ERC1: variants seen among roughly 807,000 people sequenced by gnomAD.
ERC1 encodes the protein RAB6 interacting protein 2.
A neutral mutation model predicts 132.0 loss-of-function variants in ERC1; 56 were observed. The ratio of observed to expected loss-of-function variants is 0.42; its 90% CI spans 0.34 to 0.53. ERC1 has a LOEUF of 0.53. ERC1 is among the 20% of genes least tolerant of loss of function. The pLI is 0.03. For synonymous variants in ERC1, 478 were observed against 476.1 expected (o/e 1.00, Z -0.05); for missense variants, 1,202 against 1,349.9 (o/e 0.89, Z 1.72).
intron 15 of ERC1, among the ~76,000 whole-genome samples, chr12:1,333,839 A>T (rs1052683873): frequency 3.3e-5 from 5 of 152,222 alleles, no homozygotes; most frequent in African/African-American, 1.2e-4. Context: ...GCTGTCTTCC[A>T]CAATGGTTGA....
chr12:1,321,070 G>A, intron 15 of ERC1, among the ~76,000 whole-genome samples: 1 of 152,218 alleles, frequency 6.6e-6, no homozygotes, highest in East Asian at 1.9e-4. Flanking sequence ...ACAAGGGGAA[G>A]GGTATAAGAA....
upstream of ERC1, chr12:990,948 T>TGTCA (rs1555185824): frequency 1.3e-4 from 4 of 31,122 alleles, no homozygotes; most frequent in Non-Finnish European, 1.8e-4. Context: ...TGTGTGTGTG[T>TGTCA]GTGAGTGTGT....
At chr12:1,131,968 T>C (rs1254416623) in intron 7 of ERC1, among the ~76,000 whole-genome samples, 1 of 152,218 alleles carries the variant, frequency 6.6e-6, no homozygotes, top group Non-Finnish European at 1.5e-5. Flanking sequence ...AACAAGGTTT[T>C]ATTCCTCCTG....
At chr12:1,425,025 C>CT (rs990193625) in intron 17 of ERC1, among the ~76,000 whole-genome samples, 10 of 151,260 alleles carry the variant, frequency 6.6e-5, no homozygotes, top group Non-Finnish European at 1.0e-4. Flanking sequence ...ACCTAAGAAC[C>CT]TTTTTTTTTC....
intron 15 of ERC1, among the ~76,000 whole-genome samples, chr12:1,296,564 C>T (rs942489605): frequency 1.1e-4 from 17 of 151,926 alleles, no homozygotes; most frequent in Non-Finnish European, 2.2e-4. Flanking sequence ...CAGGCATGCG[C>T]CATCACAGCC....
At chr12:1,125,965 G>T (rs184417939) in intron 7 of ERC1, among the ~76,000 whole-genome samples, 15 of 152,294 alleles carry the variant, frequency 9.8e-5, no homozygotes, top group African/African-American at 3.6e-4. Flanking sequence ...AAAGTAGAAA[G>T]GTGGTTACCA....
intron 17 of ERC1, among the ~76,000 whole-genome samples, chr12:1,434,198 C>A (rs911872059): frequency 5.9e-5 from 9 of 152,094 alleles, no homozygotes; most frequent in Admixed American, 1.3e-4. Context: ...CTGATTATAT[C>A]AAAAACGTGG....
intron 18 of ERC1, among the ~76,000 whole-genome samples, chr12:1,470,955 G>T (rs1006451467): frequency 1.2e-4 from 18 of 152,156 alleles, no homozygotes; most frequent in Non-Finnish European, 2.2e-4. Flanking sequence ...ACAAGAGATG[G>T]TCCCCTGTTT....
chr12:1,324,114 CTGAGT>C (rs2082292526), intron 15 of ERC1, among the ~76,000 whole-genome samples: 1 of 151,844 alleles, frequency 6.6e-6, no homozygotes, highest in African/African-American at 2.4e-5. Context: ...ATTTCCTATT[CTGAGT>C]TAAGTTAATT....
chr12:999,836 C>T (rs1483216382), intron 1 of ERC1, among the ~76,000 whole-genome samples: 1 of 152,086 alleles, frequency 6.6e-6, no homozygotes, highest in Non-Finnish European at 1.5e-5. Flanking sequence ...CTCAGGTGAT[C>T]CGCCTGTCTT....
intron 2 of ERC1, among the ~76,000 whole-genome samples, chr12:1,062,918 G>A (rs1238338507): frequency 6.6e-6 from 1 of 152,088 alleles, no homozygotes; most frequent in South Asian, 2.1e-4. Context: ...TAGTTGTTAC[G>A]TCCTTTTGCT....
intron 7 of ERC1, among the ~76,000 whole-genome samples, chr12:1,119,086 C>A (rs1409274186): frequency 1.3e-5 from 2 of 152,106 alleles, no homozygotes; most frequent in African/African-American, 4.8e-5. Context: ...ACTGTGTTGC[C>A]TAGGCTGGTC....
chr12:1,420,480 G>C (rs530297188), intron 17 of ERC1, among the ~76,000 whole-genome samples: 1 of 152,042 alleles, frequency 6.6e-6, no homozygotes, highest in South Asian at 2.1e-4. Flanking sequence ...TTTTGAGACG[G>C]AGTCTCGCTC....
At chr12:994,931 C>T (rs762220985) in intron 1 of ERC1, among the ~76,000 whole-genome samples, 1 of 152,240 alleles carries the variant, frequency 6.6e-6, no homozygotes, top group African/African-American at 2.4e-5. Flanking sequence ...CCCGTCTCTA[C>T]TGAAAATACA....
intron 8 of ERC1, chr12:1,151,986 G>C (rs1950879135): frequency 6.6e-6 from 1 of 152,284 alleles, no homozygotes; most frequent in African/African-American, 2.4e-5. Context: ...ATCACGTGAG[G>C]TCAGGAGTTC....
At chr12:1,123,427 T>C (rs538841761) in intron 7 of ERC1, among the ~76,000 whole-genome samples, 1 of 152,146 alleles carries the variant, frequency 6.6e-6, no homozygotes, top group East Asian at 1.9e-4. Flanking sequence ...AATGAAAATA[T>C]AAATCTCAGT....
intron 15 of ERC1, among the ~76,000 whole-genome samples, chr12:1,348,114 A>G (rs954674699): frequency 1.3e-5 from 2 of 152,218 alleles, no homozygotes; most frequent in Non-Finnish European, 2.9e-5. Context: ...CTGGCATGCT[A>G]CAAAGGTTGG....
chr12:1,466,388 C>G (rs983798022), intron 18 of ERC1, among the ~76,000 whole-genome samples: 1 of 152,186 alleles, frequency 6.6e-6, no homozygotes, highest in African/African-American at 2.4e-5. Flanking sequence ...TTAATCGCCT[C>G]TTTAAAGGCC....
chr12:1,116,107 T>C (rs1946411601), intron 7 of ERC1, 74 bp downstream of exon 7: 1 of 1,351,834 alleles, frequency 7.4e-7, no homozygotes, highest in Non-Finnish European at 1.0e-6. Context: ...GTGCTGTTTT[T>C]GTTATGTTTA....
Sources: gnomAD v4.1 joint callset for allele counts (sites outside exome capture counted in the v4.1 genomes callset) on GRCh38, gnomAD v4.1.1 for gene constraint, MANE v1.5 for transcripts, NCBI Gene and HGNC (gene_info 2026-07-23, HGNC 2026-07-21) for gene names.